CELSR1: variants seen among roughly 807,000 people sequenced by gnomAD.
CELSR1 encodes the protein adhesion G protein-coupled receptor C1.
A neutral mutation model predicts 249.1 loss-of-function variants in CELSR1; 110 were observed. The observed-to-expected ratio is 0.44, with a 90% confidence interval of 0.38 to 0.52. The LOEUF is 0.52. Ranked by LOEUF, CELSR1 falls within the 20% of genes least tolerant of loss-of-function variation. CELSR1 has a pLI of 0.00. For synonymous variants in CELSR1, 2,113 were observed against 1,900.0 expected (o/e 1.11, Z -2.92); for missense variants, 4,109 against 4,296.4 (o/e 0.96, Z 1.22).
rs181669247 is a variant in CELSR1 at position 46,449,928 on chromosome 22, G to A, written c.4184-10517C>T. On this transcript the variant is annotated intron_variant, in intron 2 of 34. Transcript: ENST00000674500. ...CCAGCCTCCAACATACATGGCTCAC[G>A]TGCTCACACACACTCACATGCACGC... Among the ~76,000 whole-genome samples the A allele has an allele frequency of 6.1e-5, 8 of 130,154 alleles. No individual in the cohort carries two copies. In the East Asian group the frequency reaches 8.2e-4, roughly 13 times the overall value. The allele number at this position is 130,154 out of a possible 152,430, so 85.4% of individuals were successfully genotyped here.
rs114182244 is a variant in CELSR1, at chr22:46,393,374, G to T, written c.5964+768C>A. Reference sequence around the variant, plus strand: ...AGGACTGACCGCCCTGGACAGGCGTGGGGCATAACGCACTTAGTGACACTT... The same window carrying T: ...AGGACTGACCGCCCTGGACAGGCGTTGGGCATAACGCACTTAGTGACACTT... On this transcript the variant is annotated intron_variant, in intron 14 of 34. Coordinates refer to ENST00000674500, the MANE Select transcript of CELSR1 (RefSeq NM_001378328.1). This position sits in a 1 kb window ranked among gnomAD's most constrained non-coding sequence, Gnocchi z 4.1. Among the ~76,000 whole-genome samples, 1,415 of 152,314 alleles carry T rather than the reference G, an allele frequency of 9.3e-3. 17 individuals carry two copies. Among genetic ancestry groups the T allele is most frequent in the African/African-American group, 0.031 (1,287 of 41,558 alleles).
chr22:46,405,942 G>A (rs891653239), intron 9 of CELSR1, among the ~76,000 whole-genome samples: 1 of 152,126 alleles, frequency 6.6e-6, no homozygotes, highest in African/African-American at 2.4e-5. Context: ...GGTGCCCAGT[G>A]GGGTCTGCAG....
Position 46,537,289 on chromosome 22 carries a change from C to T in CELSR1, c.-119G>A, listed in dbSNP as rs551914496. On this transcript the variant is annotated 5_prime_UTR_variant, in exon 1 of 35. Coordinates refer to ENST00000674500, the MANE Select transcript of CELSR1 (RefSeq NM_001378328.1). This position sits in a 1 kb window ranked among gnomAD's most constrained non-coding sequence, Gnocchi z 5.8. ...CGGGCGCCCGGCCCTCGGGGCGGTC[C>T]GCGTCCCGCCTCCCCGGGGGCCCTG... 1.2e-3 allele frequency: 1,161 copies of T among 984,424 alleles called. 12 individuals are homozygous for T. The African/African-American group carries it at 0.019, about 16-fold the overall frequency. 61.0% of individuals were successfully genotyped at this position (984,424 alleles called of 1,614,324 possible).
chr22:46,482,732 T>G (rs2080278509), intron 1 of CELSR1, among the ~76,000 whole-genome samples: 1 of 151,992 alleles, frequency 6.6e-6, no homozygotes, highest in African/African-American at 2.4e-5. Context: ...AAGAAAATTA[T>G]CTACAGGGTC....
intron 5 of CELSR1, among the ~76,000 whole-genome samples, chr22:46,414,645 T>C (rs117580417): frequency 0.052 from 7,721 of 147,276 alleles, 279 homozygotes; most frequent in Non-Finnish European, 0.079. Context: ...CCGTCCACTC[T>C]GCAGTTGAGG....
At position 46,506,274 on chromosome 22, in the gene CELSR1, C is replaced by T. The variant is rs1361943855; in HGVS notation, c.3544+27353G>A. On this transcript the variant is annotated intron_variant, in intron 1 of 34. Transcript: ENST00000674500. The surrounding 1 kb of genome is among the most constrained non-coding windows in gnomAD (Gnocchi z 4.1). ...CTGGATGGACATGCAGAGCACCCGC[C>T]ATGATCCCTCCAAGCCTGGCACCTC... Among the ~76,000 whole-genome samples the T allele has an allele frequency of 1.3e-5, 2 of 152,180 alleles. No individual in the cohort carries two copies. Among genetic ancestry groups the T allele is most frequent in the African/African-American group, 4.8e-5 (2 of 41,442 alleles).
chr22:46,497,332 GT>G (rs1269536804), intron 1 of CELSR1, among the ~76,000 whole-genome samples: 1 of 152,152 alleles, frequency 6.6e-6, no homozygotes, highest in Non-Finnish European at 1.5e-5. Context: ...CCTTTTCAAT[GT>G]TTATAGCAAT....
chr22:46,469,219 T>C (rs934440374), intron 1 of CELSR1, among the ~76,000 whole-genome samples: 6 of 152,176 alleles, frequency 3.9e-5, no homozygotes, highest in Non-Finnish European at 5.9e-5. Context: ...TCCTAAAATA[T>C]TGACCTCATC....
chr22:46,454,241 G>A lies in CELSR1; in HGVS notation c.4183+9466C>T, dbSNP rs181171893. 3.3e-5 allele frequency among the ~76,000 whole-genome samples: 5 copies of A among 152,262 alleles called. No homozygotes were observed. The highest frequency in any genetic ancestry group is 4.1e-4 in the South Asian group (2 of 4,822). ...CCCCAGGGCCTCCCGGAGCAGCCCC[G>A]CCCACGCCCCTGAATGCAGGGCTCC... On this transcript the variant is annotated intron_variant, in intron 2 of 34. Coordinates refer to ENST00000674500, the MANE Select transcript of CELSR1 (RefSeq NM_001378328.1). The surrounding 1 kb of genome is among the most constrained non-coding windows in gnomAD (Gnocchi z 5.1).
chr22:46,464,433 G>A lies in CELSR1; in HGVS notation c.3545-88C>T. The stretch of plus-strand genomic sequence containing the variant: ...CCATCCCAGGAGCAGCCTCAGGCAT[G>A]CTTGGCAAAGGAGAAGAGAGCCTGG... On this transcript the variant is annotated intron_variant, in intron 1 of 34. Transcript: ENST00000674500. The surrounding 1 kb of genome is among the most constrained non-coding windows in gnomAD (Gnocchi z 8.5). 7.1e-7 allele frequency: 1 copy of A among 1,416,942 alleles called. No individual in the cohort carries two copies. Among genetic ancestry groups the A allele is most frequent in the Non-Finnish European group, 9.6e-7 (1 of 1,045,906 alleles). 87.8% of individuals were successfully genotyped at this position (1,416,942 alleles called of 1,614,324 possible).
Position 46,398,859 on chromosome 22 carries a change from G to T in CELSR1, c.5413-222C>A, listed in dbSNP as rs889317692. On this transcript the variant is annotated intron_variant, in intron 10 of 34. Transcript: ENST00000674500. This position sits in a 1 kb window ranked among gnomAD's most constrained non-coding sequence, Gnocchi z 7.2. ...ACCAGGCCAGAGGATGGGTGTCCATGCCCCAGCCTAGCTGAGGCGGCCAGT... is the reference window on the plus strand; with the variant it reads ...ACCAGGCCAGAGGATGGGTGTCCATTCCCCAGCCTAGCTGAGGCGGCCAGT... Among the ~76,000 whole-genome samples the T allele has an allele frequency of 2.6e-5, 4 of 152,350 alleles. No homozygotes were observed. Among genetic ancestry groups the T allele is most frequent in the South Asian group, 2.1e-4 (1 of 4,834 alleles).
In CELSR1 at chr22:46,447,284, T is replaced by C. The variant is rs979642282; in HGVS notation, c.4184-7873A>G. On this transcript the variant is annotated intron_variant, in intron 2 of 34. Coordinates refer to ENST00000674500, the MANE Select transcript of CELSR1 (RefSeq NM_001378328.1). The surrounding 1 kb of genome is among the most constrained non-coding windows in gnomAD (Gnocchi z 4.7). Reference sequence around the variant, plus strand: ...TAGCTCTGTATCTTTTATTTTCTAATAGAGCTTTTATAAGACACACTATTT... The same window carrying C: ...TAGCTCTGTATCTTTTATTTTCTAACAGAGCTTTTATAAGACACACTATTT... Among the ~76,000 whole-genome samples, 4 of 152,198 alleles carry C rather than the reference T, an allele frequency of 2.6e-5. No homozygotes were observed. Among genetic ancestry groups the C allele is most frequent in the Non-Finnish European group, 5.9e-5 (4 of 68,032 alleles).
intron 13 of CELSR1, among the ~76,000 whole-genome samples, chr22:46,394,613 C>T (rs1320357999): frequency 6.6e-6 from 1 of 152,230 alleles, no homozygotes; most frequent in African/African-American, 2.4e-5. Context: ...AGCTGCCTGG[C>T]ACAACTTCTC....
chr22:46,368,031 G>A (rs370392139), intron 27 of CELSR1, among the ~76,000 whole-genome samples, 176 bp from the exon 28 acceptor site: 2 of 152,188 alleles, frequency 1.3e-5, no homozygotes, highest in East Asian at 1.9e-4. Context: ...AGCCAGGTAC[G>A]GACTCATCCG....
intron 2 of CELSR1, among the ~76,000 whole-genome samples, chr22:46,450,530 C>T (rs1267027000): frequency 1.3e-5 from 2 of 152,220 alleles, no homozygotes; most frequent in Non-Finnish European, 2.9e-5. Flanking sequence ...GATGAGTACA[C>T]GAAGGTTCAG....
chr22:46,408,164 C>T lies in CELSR1; in HGVS notation c.5226+832G>A, dbSNP rs1354144668. The stretch of plus-strand genomic sequence containing the variant: ...TTCGAATCACCTTCTAAAAGCTGTT[C>T]GGAATTTTTATCCAACAAATAAACT... On this transcript the variant is annotated intron_variant, in intron 9 of 34. Coordinates refer to ENST00000674500, the MANE Select transcript of CELSR1 (RefSeq NM_001378328.1). The surrounding 1 kb of genome is among the most constrained non-coding windows in gnomAD (Gnocchi z 4.6). Among the ~76,000 whole-genome samples, 2 of 152,174 alleles carry T rather than the reference C, an allele frequency of 1.3e-5. No homozygotes were observed. The highest frequency in any genetic ancestry group is 2.9e-5 in the Non-Finnish European group (2 of 68,020).
intron 11 of CELSR1, 144 bp from the exon 12 acceptor site, chr22:46,397,992 T>G: frequency 4.0e-6 from 3 of 751,224 alleles, no homozygotes; most frequent in Middle Eastern, 2.9e-4. Context: ...GGCAGGGTTG[T>G]TCCTCTTGCC....
chr22:46,478,879 C>CGTCTTAGTA (rs2080238070), intron 1 of CELSR1, among the ~76,000 whole-genome samples: 1 of 151,946 alleles, frequency 6.6e-6, no homozygotes, highest in Non-Finnish European at 1.5e-5. Flanking sequence ...GTAAACACAG[C>CGTCTTAGTA]AACGAGCCCA....
chr22:46,504,776 C>T (rs959347490), intron 1 of CELSR1, among the ~76,000 whole-genome samples: 3 of 152,118 alleles, frequency 2.0e-5, no homozygotes, highest in African/African-American at 7.2e-5. Flanking sequence ...ATCCTCCGCA[C>T]CAGTAATTTC....
Sources: gnomAD v4.1 joint callset for allele counts (sites outside exome capture counted in the v4.1 genomes callset) on GRCh38, gnomAD v4.1.1 for gene constraint, Gnocchi (gnomAD v3.1) non-coding constraint, MANE v1.5 for transcripts, NCBI Gene and HGNC (gene_info 2026-07-23, HGNC 2026-07-21) for gene names.